NDUFAF2: variants seen among roughly 807,000 people sequenced by gnomAD.
NDUFAF2 encodes the protein NADH:ubiquinone oxidoreductase complex assembly factor 2.
A neutral mutation model predicts 22.8 loss-of-function variants in NDUFAF2; 13 were observed. That is an observed-to-expected ratio of 0.57 (90% CI 0.37 to 0.91). The LOEUF is 0.91. NDUFAF2 is among the 40% of genes least tolerant of loss of function. NDUFAF2 has a pLI of 0.01. For missense variants in NDUFAF2, 162 were observed against 195.2 expected, an observed-to-expected ratio of 0.83 and a Z score of 1.01; for synonymous variants, 53 against 64.2, an observed-to-expected ratio of 0.83 and a Z score of 0.84.
intron 1 of NDUFAF2, among the ~76,000 whole-genome samples, chr5:61,026,654 A>C (rs1751653813): frequency 1.3e-5 from 2 of 152,086 alleles, no homozygotes; most frequent in African/African-American, 4.8e-5. Flanking sequence ...AGTAACCTAC[A>C]GTTGATGTTT....
At chr5:60,986,704 G>A (rs145241907) in intron 1 of NDUFAF2, among the ~76,000 whole-genome samples, 1,847 of 152,188 alleles carry the variant, frequency 0.012, 14 homozygotes, top group South Asian at 0.027. Context: ...GCTGAGGTGG[G>A]CAGATCACAG....
intron 3 of NDUFAF2, among the ~76,000 whole-genome samples, chr5:61,125,725 C>T (rs1753028543): frequency 6.6e-6 from 1 of 151,996 alleles, no homozygotes; most frequent in African/African-American, 2.4e-5. Context: ...AAAGGTAAGC[C>T]TGTTGCCAGT....
intron 3 of NDUFAF2, among the ~76,000 whole-genome samples, chr5:61,100,236 A>T (rs761069515): frequency 3.9e-5 from 6 of 152,136 alleles, no homozygotes; most frequent in Admixed American, 1.3e-4. Context: ...TCATAATAAG[A>T]GCTACTGTTA....
intron 1 of NDUFAF2, among the ~76,000 whole-genome samples, chr5:61,011,294 C>T (rs558236062): frequency 2.0e-5 from 3 of 152,228 alleles, no homozygotes; most frequent in Admixed American, 1.3e-4. Flanking sequence ...CCTCCAGCTT[C>T]CCTTGTAGCC....
intron 1 of NDUFAF2, among the ~76,000 whole-genome samples, chr5:61,035,216 TCCACCATGCC>T: frequency 6.6e-6 from 1 of 151,516 alleles, no homozygotes; most frequent in South Asian, 2.1e-4. Flanking sequence ...ACAGGCATGC[TCCACCATGCC>T]CAGATAATTT....
intron 3 of NDUFAF2, among the ~76,000 whole-genome samples, chr5:61,107,241 G>C (rs1326384048): frequency 6.6e-6 from 1 of 151,194 alleles, no homozygotes; most frequent in African/African-American, 2.5e-5. Flanking sequence ...ATTTTCACCA[G>C]CATTTGTTAT....
chr5:60,964,998 T>G (rs1274058632), intron 1 of NDUFAF2, among the ~76,000 whole-genome samples: 1 of 152,170 alleles, frequency 6.6e-6, no homozygotes, highest in African/African-American at 2.4e-5. Context: ...TGTTGCTATG[T>G]CTGAGAATAG....
chr5:61,135,879 A>T (rs1376620364), intron 3 of NDUFAF2, among the ~76,000 whole-genome samples: 2 of 151,104 alleles, frequency 1.3e-5, no homozygotes, highest in African/African-American at 4.9e-5. Flanking sequence ...AACTAAGTGG[A>T]TATAGGAGCT....
At chr5:61,075,104 T>C (rs1406913335) in intron 2 of NDUFAF2, among the ~76,000 whole-genome samples, 2 of 152,136 alleles carry the variant, frequency 1.3e-5, no homozygotes, top group Non-Finnish European at 2.9e-5. Flanking sequence ...AACCAAACCA[T>C]ATCACCCATT....
At chr5:61,070,777 A>C (rs551288142) in intron 1 of NDUFAF2, among the ~76,000 whole-genome samples, 1 of 152,280 alleles carries the variant, frequency 6.6e-6, no homozygotes, top group South Asian at 2.1e-4. Context: ...TAGTAGTGCT[A>C]CTGAGAACGA....
At chr5:61,081,918 C>T (rs959826530) in intron 2 of NDUFAF2, among the ~76,000 whole-genome samples, 1 of 152,206 alleles carries the variant, frequency 6.6e-6, no homozygotes, top group Non-Finnish European at 1.5e-5. Flanking sequence ...GGAAAGCCAG[C>T]AGAAAGCATG....
chr5:61,134,965 A>G (rs879383341), intron 3 of NDUFAF2, among the ~76,000 whole-genome samples: 2 of 151,992 alleles, frequency 1.3e-5, no homozygotes, highest in Non-Finnish European at 2.9e-5. Context: ...CCTCAACTAT[A>G]TTTAATAATT....
At chr5:61,141,462 CCAAT>C (rs1467040311) in intron 3 of NDUFAF2, among the ~76,000 whole-genome samples, 2 of 152,104 alleles carry the variant, frequency 1.3e-5, no homozygotes, top group African/African-American at 4.8e-5. Context: ...TATGCATGAA[CCAAT>C]CAGTTAGTGA....
intron 3 of NDUFAF2, among the ~76,000 whole-genome samples, chr5:61,130,484 G>T (rs1354584350): frequency 6.6e-6 from 1 of 152,196 alleles, no homozygotes; most frequent in East Asian, 1.9e-4. Flanking sequence ...TTTCCCCAGA[G>T]ATCTTATATA....
intron 1 of NDUFAF2, among the ~76,000 whole-genome samples, chr5:61,035,424 GTTTTTTTTTTTTTTTT>G (rs768889484): frequency 4.9e-5 from 2 of 40,544 alleles, no homozygotes; most frequent in African/African-American, 2.0e-4. Context: ...CTCTTGCTCT[GTTTTTTTTTTTTTTTT>G]TTTTTTTTTT....
chr5:61,056,789 T>G (rs1212746842), intron 1 of NDUFAF2, among the ~76,000 whole-genome samples: 1 of 147,412 alleles, frequency 6.8e-6, no homozygotes. Context: ...CTCAGGAGGC[T>G]GAGGCATGAG....
intron 1 of NDUFAF2, among the ~76,000 whole-genome samples, chr5:60,965,979 C>T (rs1194803084): frequency 5.3e-5 from 8 of 152,058 alleles, no homozygotes. Context: ...AATTTACATT[C>T]CCACCAAGAG....
At chr5:60,958,553 A>G (rs1750646952) in intron 1 of NDUFAF2, among the ~76,000 whole-genome samples, 1 of 152,126 alleles carries the variant, frequency 6.6e-6, no homozygotes, top group African/African-American at 2.4e-5. Context: ...TATTATCCTC[A>G]TTTTAAATAT....
chr5:61,138,007 C>T (rs541767798), intron 3 of NDUFAF2, among the ~76,000 whole-genome samples: 178 of 152,330 alleles, frequency 1.2e-3, no homozygotes, highest in Non-Finnish European at 1.6e-3. Context: ...CTCTGGAAAA[C>T]CATTAGAAAG....
Sources: gnomAD v4.1 joint callset for allele counts (sites outside exome capture counted in the v4.1 genomes callset) on GRCh38, gnomAD v4.1.1 for gene constraint, MANE v1.5 for transcripts, NCBI Gene and HGNC (gene_info 2026-07-23, HGNC 2026-07-21) for gene names.